Variants in SNX29 observed in about 807,000 individuals in gnomAD.
SNX29 encodes the protein sorting nexin 29.
SNX29 carries 78 observed loss-of-function variants against 102.1 expected under a neutral mutation model. The observed-to-expected ratio is 0.76, with a 90% CI of 0.64 to 0.92. SNX29 has a LOEUF of 0.92. Ranked by LOEUF, SNX29 falls within the 40% of genes least tolerant of loss-of-function variation. The probability of loss-of-function intolerance (pLI) is 0.00; values close to 1 mark genes in which losing one functional copy is unlikely to be tolerated. For synonymous variants in SNX29, 580 were observed against 414.5 expected (o/e 1.40, Z -4.85); for missense variants, 1,280 against 1,061.7 (o/e 1.21, Z -2.86).
chr16:12,046,278 G>A (rs945678288), intron 5 of SNX29, 106 bp from the exon 6 acceptor site: 45 of 1,086,566 alleles, frequency 4.1e-5, no homozygotes, highest in Non-Finnish European at 5.7e-5. Context: ...CCCTCTTGGG[G>A]TGACCAGGTG....
chr16:12,491,004 A>G (rs2088518310), intron 19 of SNX29, among the ~76,000 whole-genome samples: 1 of 152,226 alleles, frequency 6.6e-6, no homozygotes, highest in Non-Finnish European at 1.5e-5. Context: ...GCTTCACATC[A>G]ATGATACTTA....
At position 12,425,451 on chromosome 16, in the gene SNX29, G is replaced by A. The variant is rs572839632; in HGVS notation, c.2037+21922G>A. On this transcript the variant is annotated intron_variant, in intron 18 of 20. Transcript: ENST00000566228. Reference sequence around the variant, plus strand: ...AGCACAGATCTTAGAAGGAGGCCCAGGAGCCCTGGCTGCACACGTAATTCC... The same window carrying A: ...AGCACAGATCTTAGAAGGAGGCCCAAGAGCCCTGGCTGCACACGTAATTCC... Among the ~76,000 whole-genome samples, 35 of 150,526 alleles carry A rather than the reference G, an allele frequency of 2.3e-4. No individual in the cohort carries two copies. In the South Asian group the frequency reaches 7.3e-3, roughly 32 times the overall value.
Position 12,073,677 on chromosome 16 carries a change from A to G in SNX29, c.1319+4545A>G, listed in dbSNP as rs1463219997. The stretch of plus-strand genomic sequence containing the variant: ...GGGGTGGAAAGTTCTGTAGATGTCT[A>G]TTAGATCTGCTTGGTGCAGAGCTGA... On this transcript the variant is annotated intron_variant, in intron 10 of 20. Coordinates refer to ENST00000566228, the MANE Select transcript of SNX29 (RefSeq NM_032167.5). Among the ~76,000 whole-genome samples the G allele has an allele frequency of 2.6e-5, 4 of 152,226 alleles. No individual in the cohort carries two copies. In the South Asian group the frequency reaches 8.3e-4, roughly 31 times the overall value.
intron 3 of SNX29, among the ~76,000 whole-genome samples, chr16:12,025,174 C>T (rs558719965): frequency 4.0e-5 from 6 of 151,834 alleles, no homozygotes; most frequent in African/African-American, 7.3e-5. Flanking sequence ...TGGTGGCAGG[C>T]GCCTGTATTC....
intron 20 of SNX29, among the ~76,000 whole-genome samples, chr16:12,536,904 A>T (rs1272259383): frequency 6.6e-6 from 1 of 152,100 alleles, no homozygotes; most frequent in Non-Finnish European, 1.5e-5. Context: ...TGAGCCCGGG[A>T]GGTGGAGGTT....
rs191707973 is a variant in SNX29, at chr16:12,430,012, G to T, written c.2037+26483G>T. 2.0e-5 allele frequency among the ~76,000 whole-genome samples: 3 copies of T among 152,216 alleles called. No homozygotes were observed. The East Asian group carries it at 5.8e-4, about 29-fold the overall frequency. Reference sequence around the variant, plus strand: ...CGGGCCACACAGCAGGAGGTGAGCCGTGGGCCAGCAAGCATTACTGCCTGA... The same window carrying T: ...CGGGCCACACAGCAGGAGGTGAGCCTTGGGCCAGCAAGCATTACTGCCTGA... On this transcript the variant is annotated intron_variant, in intron 18 of 20. Coordinates refer to ENST00000566228, the MANE Select transcript of SNX29 (RefSeq NM_032167.5).
chr16:12,170,445 G>T (rs1445913177), intron 13 of SNX29, among the ~76,000 whole-genome samples: 1 of 152,000 alleles, frequency 6.6e-6, no homozygotes, highest in Non-Finnish European at 1.5e-5. Flanking sequence ...AGACCACTTA[G>T]CCCTGAGGTC....
intron 20 of SNX29, among the ~76,000 whole-genome samples, chr16:12,551,468 G>A (rs994776373): frequency 1.3e-5 from 2 of 152,126 alleles, no homozygotes; most frequent in African/African-American, 4.8e-5. Context: ...CAGAGGCCAG[G>A]CCCTGCCTGG....
chr16:12,085,941 C>T (rs928813011), intron 11 of SNX29, among the ~76,000 whole-genome samples: 7 of 151,734 alleles, frequency 4.6e-5, no homozygotes, highest in African/African-American at 1.7e-4. Context: ...TGGTGTCTAG[C>T]TATAGTAAGT....
At chr16:12,441,571 G>A (rs1449974977) in intron 18 of SNX29, among the ~76,000 whole-genome samples, 2 of 152,126 alleles carry the variant, frequency 1.3e-5, no homozygotes, top group Non-Finnish European at 2.9e-5. Context: ...CTCCCGTTTT[G>A]TGGTTGTCCT....
chr16:12,474,447 C>T (rs754786208), intron 18 of SNX29, among the ~76,000 whole-genome samples: 8 of 151,968 alleles, frequency 5.3e-5, no homozygotes, highest in South Asian at 2.1e-4. Context: ...CCTGGGATTG[C>T]GCATGTGTGT....
At chr16:12,560,350 A>C (rs898570698) in intron 20 of SNX29, among the ~76,000 whole-genome samples, 1 of 152,098 alleles carries the variant, frequency 6.6e-6, no homozygotes, top group African/African-American at 2.4e-5. Context: ...GGGGATTTAC[A>C]TTCATCTGGT....
At chr16:12,038,631 A>G (rs1355180526) in intron 4 of SNX29, 2 of 152,226 alleles carry the variant, frequency 1.3e-5, no homozygotes, top group Non-Finnish European at 2.9e-5. Context: ...CCCTGCTGGG[A>G]TAATTCTTAT....
intron 13 of SNX29, among the ~76,000 whole-genome samples, chr16:12,132,599 G>A (rs1263523231): frequency 2.0e-5 from 3 of 152,224 alleles, no homozygotes; most frequent in Non-Finnish European, 4.4e-5. Context: ...ATATGGCAGT[G>A]GACATGAGTG....
At chr16:12,290,766 G>T (rs1008810938) in intron 15 of SNX29, among the ~76,000 whole-genome samples, 1 of 152,156 alleles carries the variant, frequency 6.6e-6, no homozygotes, top group East Asian at 1.9e-4. Flanking sequence ...GAAAGTAGAG[G>T]TAATGAGTGT....
intron 18 of SNX29, among the ~76,000 whole-genome samples, chr16:12,421,251 A>G (rs2084860406): frequency 1.3e-5 from 2 of 152,212 alleles, no homozygotes; most frequent in Admixed American, 6.5e-5. Flanking sequence ...TTAGAAGCCA[A>G]AAGTAATGGA....
At chr16:12,358,282 G>A (rs183190375) in intron 16 of SNX29, among the ~76,000 whole-genome samples, 361 of 152,218 alleles carry the variant, frequency 2.4e-3, no homozygotes, top group Middle Eastern at 6.8e-3. Flanking sequence ...CGCTGTTCCT[G>A]GCCCATAATT....
intron 11 of SNX29, chr16:12,095,195 TG>T (rs2052718347): frequency 6.6e-6 from 1 of 152,248 alleles, no homozygotes; most frequent in Admixed American, 6.5e-5. Flanking sequence ...AGTTGATATT[TG>T]TTGGTGTTTA....
chr16:12,548,028 T>C (rs1487901733), intron 20 of SNX29, among the ~76,000 whole-genome samples: 1 of 152,088 alleles, frequency 6.6e-6, no homozygotes, highest in Non-Finnish European at 1.5e-5. Flanking sequence ...GCACTGCTCA[T>C]ATTGGTAAGG....
Sources: allele counts gnomAD v4.1 joint callset (sites outside exome capture counted in the v4.1 genomes callset), GRCh38; gene constraint gnomAD v4.1.1; transcripts MANE v1.5; gene names NCBI Gene and HGNC (gene_info 2026-07-23, HGNC 2026-07-21).